DOCK2: variants seen among roughly 807,000 people sequenced by gnomAD.
DOCK2 encodes the protein dedicator of cytokinesis protein 2.
A neutral mutation model predicts 248.9 loss-of-function variants in DOCK2; 87 were observed. The observed-to-expected ratio is 0.35, with a 90% CI of 0.29 to 0.42. The LOEUF is 0.42. Among genes scored for constraint, DOCK2 ranks in the 10% least tolerant of loss-of-function variants. The pLI, the probability that DOCK2 is intolerant of heterozygous loss-of-function variation, is 1.00. For missense variants in DOCK2, 1,747 were observed against 2,300.2 expected, an observed-to-expected ratio of 0.76 and a Z score of 4.92; for synonymous variants, 805 against 821.6, an observed-to-expected ratio of 0.98 and a Z score of 0.35.
intron 27 of DOCK2, among the ~76,000 whole-genome samples, chr5:169,928,110 G>A (rs1045274474): frequency 6.6e-6 from 1 of 152,184 alleles, no homozygotes; most frequent in African/African-American, 2.4e-5. Context: ...TCAACCTGGG[G>A]TTCCTTCAGG....
intron 3 of DOCK2, among the ~76,000 whole-genome samples, chr5:169,669,682 T>C (rs912982738): frequency 6.6e-6 from 1 of 152,210 alleles, no homozygotes; most frequent in East Asian, 1.9e-4. Context: ...AGTCATCTCC[T>C]CATCCGTATA....
intron 26 of DOCK2, among the ~76,000 whole-genome samples, chr5:169,813,629 A>G (rs1251895016): frequency 1.3e-5 from 2 of 152,212 alleles, no homozygotes; most frequent in African/African-American, 2.4e-5. Flanking sequence ...AGGGTTCTCA[A>G]GGGACTTGGC....
intron 26 of DOCK2, among the ~76,000 whole-genome samples, chr5:169,840,085 T>G (rs558705838): frequency 6.6e-6 from 1 of 152,226 alleles, no homozygotes; most frequent in South Asian, 2.1e-4. Flanking sequence ...TTTAATTGGT[T>G]CCTGATTCCA....
At chr5:169,907,815 T>G (rs918043703) in intron 27 of DOCK2, among the ~76,000 whole-genome samples, 1 of 152,170 alleles carries the variant, frequency 6.6e-6, no homozygotes, top group Non-Finnish European at 1.5e-5. Flanking sequence ...ACATTTTTGT[T>G]TGCCACAACT....
chr5:169,780,987 A>C (rs1765681542), intron 25 of DOCK2, among the ~76,000 whole-genome samples: 1 of 152,246 alleles, frequency 6.6e-6, no homozygotes, highest in South Asian at 2.1e-4. Flanking sequence ...AAAACAAGTA[A>C]GATCATGACT....
chr5:169,650,560 T>A (rs1757746945), intron 1 of DOCK2, among the ~76,000 whole-genome samples: 1 of 152,234 alleles, frequency 6.6e-6, no homozygotes, highest in Non-Finnish European at 1.5e-5. Context: ...AATAGAGTAC[T>A]TCAATATGTT....
At chr5:169,897,839 G>A (rs1365012100) in intron 27 of DOCK2, among the ~76,000 whole-genome samples, 1 of 152,140 alleles carries the variant, frequency 6.6e-6, no homozygotes, top group Non-Finnish European at 1.5e-5. Context: ...TTTTCTCCAG[G>A]TCTATGTAAT....
intron 10 of DOCK2, among the ~76,000 whole-genome samples, chr5:169,697,752 T>C: frequency 6.6e-6 from 1 of 152,140 alleles, no homozygotes; most frequent in Non-Finnish European, 1.5e-5. Context: ...GGGTATGAGC[T>C]TGATTGGAGT....
chr5:169,913,105 G>A (rs902799155), intron 27 of DOCK2, among the ~76,000 whole-genome samples: 1 of 152,134 alleles, frequency 6.6e-6, no homozygotes, highest in Non-Finnish European at 1.5e-5. Flanking sequence ...CTAGTTTCCT[G>A]TCATTTGAAA....
chr5:169,986,477 G>T (rs1033062443), intron 29 of DOCK2, among the ~76,000 whole-genome samples: 8 of 152,180 alleles, frequency 5.3e-5, no homozygotes, highest in Non-Finnish European at 1.2e-4. Context: ...TACACTATCA[G>T]TGTAACCCAA....
intron 25 of DOCK2, among the ~76,000 whole-genome samples, chr5:169,802,535 C>A (rs1767066353): frequency 6.6e-6 from 1 of 151,852 alleles, no homozygotes; most frequent in African/African-American, 2.4e-5. Context: ...CTAAGTTGGT[C>A]CCTAAATGTG....
chr5:169,664,603 G>A (rs113039328), intron 2 of DOCK2, among the ~76,000 whole-genome samples: 2,400 of 152,302 alleles, frequency 0.016, 37 homozygotes, highest in Non-Finnish European at 0.023. Flanking sequence ...CAATCATGGT[G>A]GAAGGTGAAG....
At chr5:169,658,927 A>G (rs74688462) in intron 2 of DOCK2, among the ~76,000 whole-genome samples, 1,946 of 151,276 alleles carry the variant, frequency 0.013, 21 homozygotes, top group Non-Finnish European at 0.021. Context: ...CCAACCACCT[A>G]TAATTAATCA....
intron 27 of DOCK2, among the ~76,000 whole-genome samples, chr5:169,970,361 A>T (rs1420315012): frequency 6.6e-6 from 1 of 152,264 alleles, no homozygotes; most frequent in Non-Finnish European, 1.5e-5. Flanking sequence ...CTCAAATATC[A>T]GCCTTAAGGT....
intron 25 of DOCK2, among the ~76,000 whole-genome samples, chr5:169,783,342 A>G (rs1346993795): frequency 6.6e-6 from 1 of 152,182 alleles, no homozygotes; most frequent in Non-Finnish European, 1.5e-5. Flanking sequence ...AGTTCCAGAG[A>G]GCCATTTCAG....
At chr5:169,705,173 C>CAAAA (rs146686394) in intron 14 of DOCK2, among the ~76,000 whole-genome samples, 47 of 152,172 alleles carry the variant, frequency 3.1e-4, no homozygotes, top group Admixed American at 2.6e-3. Context: ...AACAAACAGA[C>CAAAA]AAAACACGCC....
At chr5:170,076,141 G>A in intron 47 of DOCK2, 57 bp downstream of exon 47, 1 of 1,578,240 alleles carries the variant, frequency 6.3e-7, no homozygotes, top group Non-Finnish European at 8.6e-7. Flanking sequence ...GGGCAGGGAA[G>A]CATGCTGGAG....
intron 14 of DOCK2, chr5:169,702,687 A>G (rs961098068): frequency 4.3e-6 from 1 of 233,846 alleles, no homozygotes. Context: ...GTATGTATGT[A>G]TGTATGTATG....
Position 169,947,511 on chromosome 5 carries a change from C to T in DOCK2, c.2800-35557C>T, listed in dbSNP as rs76544696. ...AGGTGAAGCTTCCTGCCCAGGGCCA[C>T]GCAACTAATATCAGATTGACCGAGT... On this transcript the variant is annotated intron_variant, in intron 27 of 51. Transcript: ENST00000520908. Among the ~76,000 whole-genome samples the T allele has an allele frequency of 8.0e-3, 1,211 of 152,256 alleles. 60 individuals carry two copies. The East Asian group carries it at 0.13, about 17-fold the overall frequency.
Sources: gnomAD v4.1 joint callset for allele counts (sites outside exome capture counted in the v4.1 genomes callset) on GRCh38, gnomAD v4.1.1 for gene constraint, MANE v1.5 for transcripts, NCBI Gene and HGNC (gene_info 2026-07-23, HGNC 2026-07-21) for gene names.